The following SRGAP1 variants were observed in gnomAD, a reference collection of about 807,000 sequenced individuals.
SRGAP1 encodes the protein SLIT-ROBO Rho GTPase-activating protein 1.
SRGAP1 carries 43 observed loss-of-function variants against 121.9 expected under a neutral mutation model. The ratio of observed to expected loss-of-function variants is 0.35; its 90% CI spans 0.28 to 0.46. The LOEUF is 0.46. Among genes scored for constraint, SRGAP1 ranks in the 20% least tolerant of loss-of-function variants. SRGAP1 has a pLI of 1.00. For synonymous variants in SRGAP1, 447 were observed against 485.4 expected (o/e 0.92, Z 1.04); for missense variants, 1,102 against 1,350.9 (o/e 0.82, Z 2.89).
At chr12:64,079,578 T>C (rs1390317117) in intron 9 of SRGAP1, among the ~76,000 whole-genome samples, 1 of 151,850 alleles carries the variant, frequency 6.6e-6, no homozygotes, top group African/African-American at 2.4e-5. Context: ...CCTAGCTACT[T>C]GGGAGGCTGA....
At chr12:64,032,159 G>C (rs375097867) in intron 4 of SRGAP1, among the ~76,000 whole-genome samples, 1 of 152,116 alleles carries the variant, frequency 6.6e-6, no homozygotes, top group Non-Finnish European at 1.5e-5. Flanking sequence ...GGAAGAAAAG[G>C]GGGAAACAGA....
At chr12:63,851,254 T>G (rs1899063830) in intron 1 of SRGAP1, among the ~76,000 whole-genome samples, 1 of 152,158 alleles carries the variant, frequency 6.6e-6, no homozygotes, top group Non-Finnish European at 1.5e-5. Flanking sequence ...TACTCTCCCC[T>G]GTTGATATGT....
intron 21 of SRGAP1, among the ~76,000 whole-genome samples, chr12:64,131,066 A>G (rs550955749): frequency 6.6e-6 from 1 of 152,340 alleles, no homozygotes; most frequent in African/African-American, 2.4e-5. Context: ...TGAGCCCATG[A>G]GTAACCTCCA....
intron 1 of SRGAP1, among the ~76,000 whole-genome samples, chr12:63,948,525 G>T (rs1207650104): frequency 6.6e-6 from 1 of 151,944 alleles, no homozygotes; most frequent in Non-Finnish European, 1.5e-5. Context: ...TGGAAATATG[G>T]TCACTTCTCC....
Position 64,126,110 on chromosome 12 carries a change from C to A in SRGAP1, c.2358C>A (p.Asn786Lys). The A allele has an allele frequency of 6.2e-7, 1 of 1,614,080 alleles. No homozygotes were observed. The highest frequency in any genetic ancestry group is 8.5e-7 in the Non-Finnish European group (1 of 1,179,996). ...AGGACTGGTGGGAAGGCAGGCACAACGGGATTGACGGGCTGGTGCCTCACC... is the reference window on the plus strand; with the variant it reads ...AGGACTGGTGGGAAGGCAGGCACAAAGGGATTGACGGGCTGGTGCCTCACC... ...ASEDWWEGRH[N>K]GIDGLVPHQY... The change falls in exon 19 of 22, where the codon AAC (asparagine) becomes AAA (lysine). Residue 786 changes from asparagine (N) to lysine (K), a missense_variant. By Grantham distance (94) the Asn-to-Lys change is moderately conservative. Around this residue, in one of 3 missense-constraint regions of SRGAP1, gnomAD observed 40 missense variants for 78.4 expected, o/e 0.51. Coordinates refer to ENST00000355086, the MANE Select transcript of SRGAP1 (RefSeq NM_020762.4).
intron 2 of SRGAP1, among the ~76,000 whole-genome samples, chr12:63,989,143 C>G (rs1457636529): frequency 6.6e-6 from 1 of 152,214 alleles, no homozygotes; most frequent in Non-Finnish European, 1.5e-5. Flanking sequence ...TTTTCTTAAG[C>G]TGTATCATCC....
intron 1 of SRGAP1, among the ~76,000 whole-genome samples, chr12:63,976,603 T>A (rs532987059): frequency 6.6e-6 from 1 of 152,222 alleles, no homozygotes; most frequent in Non-Finnish European, 1.5e-5. Flanking sequence ...TCAATAAATA[T>A]TTTTTAATGA....
rs139762243 is a variant in SRGAP1, at chr12:64,012,872, A to C, written c.427-4078A>C. On this transcript the variant is annotated intron_variant, in intron 3 of 21. Transcript: ENST00000355086. ...GGCCTGTTTTCAAATTTTTAATGAA[A>C]TAGAATCCATAGGTGTATTTAACCT... 5.8e-3 allele frequency among the ~76,000 whole-genome samples: 880 copies of C among 152,114 alleles called. 10 individuals are homozygous for C. The highest frequency in any genetic ancestry group is 0.02 in the African/African-American group (836 of 41,490).
At position 64,156,169 on chromosome 12, in the gene SRGAP1, T is replaced by C. The variant is rs2037162757; in HGVS notation, c.*13497T>C. 1 of 152,240 alleles carries C rather than the reference T, an allele frequency of 6.6e-6. No individual in the cohort carries two copies. The highest frequency in any genetic ancestry group is 6.5e-5 in the Admixed American group (1 of 15,282). 9.4% of individuals were successfully genotyped at this position (152,240 alleles called of 1,614,324 possible). On this transcript the variant is annotated 3_prime_UTR_variant, in exon 22 of 22. Coordinates refer to ENST00000355086, the MANE Select transcript of SRGAP1 (RefSeq NM_020762.4). ...CACGTTTAACTACTGTTATCTTGCC[T>C]CCTTATTGCTCCACACACTTGAAAT...
At chr12:64,096,937 A>T (rs947749780) in intron 14 of SRGAP1, among the ~76,000 whole-genome samples, 9 of 152,208 alleles carry the variant, frequency 5.9e-5, no homozygotes, top group African/African-American at 1.2e-4. Context: ...ATTTCAGCTT[A>T]AAAAAAGTGG....
intron 1 of SRGAP1, among the ~76,000 whole-genome samples, chr12:63,892,957 C>T (rs1900636487): frequency 6.6e-6 from 1 of 151,928 alleles, no homozygotes; most frequent in Non-Finnish European, 1.5e-5. Flanking sequence ...TTTGCTATGC[C>T]CTTGATTGCA....
chr12:64,073,847 G>A (rs555236149), intron 8 of SRGAP1, among the ~76,000 whole-genome samples: 4 of 149,222 alleles, frequency 2.7e-5, no homozygotes, highest in East Asian at 1.9e-4. Flanking sequence ...TTCTTTTTGC[G>A]TTTTTTGGTT....
chr12:64,139,609 T>G (rs911489927), intron 21 of SRGAP1, among the ~76,000 whole-genome samples: 2 of 151,908 alleles, frequency 1.3e-5, no homozygotes, highest in Non-Finnish European at 2.9e-5. Flanking sequence ...TCTTGTAAAT[T>G]TGTTTGAGTT....
At chr12:63,913,623 C>G (rs376670719) in intron 1 of SRGAP1, among the ~76,000 whole-genome samples, 4 of 151,144 alleles carry the variant, frequency 2.6e-5, no homozygotes, top group East Asian at 3.9e-4. Flanking sequence ...TCATCTCTCT[C>G]CCTGTTAATG....
intron 4 of SRGAP1, among the ~76,000 whole-genome samples, chr12:64,025,076 C>G (rs1330066941): frequency 6.6e-6 from 1 of 151,328 alleles, no homozygotes; most frequent in East Asian, 1.9e-4. Context: ...GTTTAAAAAG[C>G]AGAGTTGATG....
At chr12:64,116,184 G>A (rs1245292752) in intron 18 of SRGAP1, among the ~76,000 whole-genome samples, 1 of 149,784 alleles carries the variant, frequency 6.7e-6, no homozygotes, top group African/African-American at 2.5e-5. Context: ...ATGAGCCCAG[G>A]AGTCTGAGGC....
chr12:63,858,450 G>A (rs1448937653), intron 1 of SRGAP1, among the ~76,000 whole-genome samples: 2 of 151,854 alleles, frequency 1.3e-5, no homozygotes, highest in Admixed American at 6.6e-5. Flanking sequence ...CAAAGTGCTG[G>A]GATTACAGGC....
intron 4 of SRGAP1, among the ~76,000 whole-genome samples, chr12:64,020,772 G>A (rs1459367970): frequency 6.6e-6 from 1 of 151,386 alleles, no homozygotes; most frequent in African/African-American, 2.4e-5. Flanking sequence ...GAACCCAAGA[G>A]GTGGGGATTG....
intron 1 of SRGAP1, among the ~76,000 whole-genome samples, chr12:63,848,927 A>C (rs1165372081): frequency 3.3e-5 from 5 of 152,212 alleles, no homozygotes. Context: ...GAATACAGAA[A>C]AAACAGTAAT....
Sources: allele counts gnomAD v4.1 joint callset (sites outside exome capture counted in the v4.1 genomes callset), GRCh38; gene constraint gnomAD v4.1.1; regional missense constraint gnomAD v4.1.1; transcripts MANE v1.5; gene names NCBI Gene and HGNC (gene_info 2026-07-23, HGNC 2026-07-21).